Variants in GABRG1 observed in about 807,000 individuals in gnomAD.
GABRG1 encodes the protein gamma-aminobutyric acid receptor subunit gamma-1.
In GABRG1, 49 loss-of-function variants were observed where a neutral mutation model predicts 49.8. That is an observed-to-expected ratio of 0.98 (90% CI 0.78 to 1.25). GABRG1 has a LOEUF of 1.25. Ranked by LOEUF, GABRG1 falls within the 50% of genes most tolerant of loss-of-function variation. The pLI is 0.00. For missense variants in GABRG1, 552 were observed against 552.3 expected (o/e 1.00, Z 0.01); for synonymous variants, 232 against 185.1 (o/e 1.25, Z -2.06).
chr4:46,064,054 C>T (rs1718815223), intron 5 of GABRG1, among the ~76,000 whole-genome samples: 1 of 152,158 alleles, frequency 6.6e-6, no homozygotes, highest in East Asian at 1.9e-4. Context: ...AAACACATTT[C>T]AAAATCTAAT....
At chr4:46,044,057 T>C (rs369315952) in intron 8 of GABRG1, among the ~76,000 whole-genome samples, 154 of 152,208 alleles carry the variant, frequency 1.0e-3, no homozygotes, top group African/African-American at 3.4e-3. Context: ...ATAATATTAA[T>C]TTCCCATTTA....
chr4:46,102,123 G>T (rs1577665281), intron 1 of GABRG1, among the ~76,000 whole-genome samples: 1 of 151,532 alleles, frequency 6.6e-6, no homozygotes, highest in African/African-American at 2.4e-5. Context: ...ATTATAAAAT[G>T]AATAACTAAA....
At chr4:46,088,356 G>T (rs1394016829) in intron 2 of GABRG1, among the ~76,000 whole-genome samples, 2 of 152,012 alleles carry the variant, frequency 1.3e-5, no homozygotes. Context: ...TCTGAACCTA[G>T]AAGATAAGTT....
At chr4:46,084,855 A>G (rs1331264600) in intron 2 of GABRG1, among the ~76,000 whole-genome samples, 4 of 151,644 alleles carry the variant, frequency 2.6e-5, no homozygotes. Context: ...TAGGCTGATG[A>G]CTTCTGAGAT....
At chr4:46,118,092 A>G (rs1309624950) in intron 1 of GABRG1, among the ~76,000 whole-genome samples, 1 of 141,836 alleles carries the variant, frequency 7.1e-6, no homozygotes, top group Non-Finnish European at 1.5e-5. Context: ...ATACATATGT[A>G]TACATATGTG....
At chr4:46,102,709 A>G (rs542722515) in intron 1 of GABRG1, among the ~76,000 whole-genome samples, 11 of 151,748 alleles carry the variant, frequency 7.2e-5, no homozygotes, top group African/African-American at 2.2e-4. Flanking sequence ...AGCTATTTTA[A>G]TGTATCATAC....
rs377218208 is a variant in GABRG1 at position 46,075,702 on chromosome 4, A to C, written c.321+8284T>G. Among the ~76,000 whole-genome samples the C allele has an allele frequency of 2.0e-5, 3 of 152,092 alleles. No individual in the cohort carries two copies. The East Asian group carries it at 5.8e-4, about 29-fold the overall frequency. ...TACAAAAAATTTAAAAAATCAAATA[A>C]AAGAAGAAAGAAAGAAAGGTCCTTG... is the stretch of plus-strand genomic sequence containing the variant. On this transcript the variant is annotated intron_variant, in intron 3 of 8. Transcript: ENST00000295452.
At position 46,084,653 on chromosome 4, in the gene GABRG1, TTTG is replaced by T. The variant is rs572991302; in HGVS notation, c.254-603_254-601del. On this transcript the variant is annotated intron_variant, in intron 2 of 8. Transcript: ENST00000295452. ...AATAAAACACACAACACTTACATAG[TTTG>T]TTTTTCCTCAAGCAAAAATTTTATT... Among the ~76,000 whole-genome samples the T allele has an allele frequency of 3.3e-5, 5 of 151,770 alleles. No individual in the cohort carries two copies. The South Asian group carries it at 1.0e-3, about 31-fold the overall frequency.
chr4:46,116,729 A>C (rs1053619691), intron 1 of GABRG1, among the ~76,000 whole-genome samples: 9 of 150,878 alleles, frequency 6.0e-5, no homozygotes, highest in African/African-American at 1.5e-4. Context: ...TACTCTAGTC[A>C]TGACAATCTG....
chr4:46,061,738 C>A (rs1329870558), intron 5 of GABRG1, among the ~76,000 whole-genome samples: 1 of 149,624 alleles, frequency 6.7e-6, no homozygotes, highest in South Asian at 2.1e-4. Context: ...AGTAAACCAC[C>A]ACTACACAGC....
chr4:46,072,909 C>A (rs567387037), intron 3 of GABRG1, among the ~76,000 whole-genome samples: 1 of 151,960 alleles, frequency 6.6e-6, no homozygotes, highest in South Asian at 2.1e-4. Context: ...TAAAACGGAG[C>A]AGTTCTTAGT....
chr4:46,052,564 T>A (rs1009647787), intron 7 of GABRG1, among the ~76,000 whole-genome samples: 1 of 151,874 alleles, frequency 6.6e-6, no homozygotes, highest in African/African-American at 2.4e-5. Flanking sequence ...CTGTTTCTCA[T>A]CAGTCTTTGT....
intron 3 of GABRG1, among the ~76,000 whole-genome samples, chr4:46,069,182 G>A (rs891751526): frequency 3.3e-5 from 5 of 151,964 alleles, no homozygotes; most frequent in African/African-American, 1.2e-4. Flanking sequence ...AAAAATTCAA[G>A]ACCTGCCAAA....
At chr4:46,095,804 G>A (rs1480253088) in intron 2 of GABRG1, among the ~76,000 whole-genome samples, 5 of 151,786 alleles carry the variant, frequency 3.3e-5, no homozygotes, top group South Asian at 4.1e-4. Flanking sequence ...TACCAATGAT[G>A]AGAATTTTTT....
At chr4:46,042,864 G>A (rs541412782) in intron 8 of GABRG1, among the ~76,000 whole-genome samples, 1 of 152,026 alleles carries the variant, frequency 6.6e-6, no homozygotes, top group South Asian at 2.1e-4. Flanking sequence ...CCAAACACAA[G>A]TAAGTTCATG....
At chr4:46,111,931 G>A (rs530010039) in intron 1 of GABRG1, among the ~76,000 whole-genome samples, 1 of 151,304 alleles carries the variant, frequency 6.6e-6, no homozygotes, top group East Asian at 2.0e-4. Flanking sequence ...GTCAGCTTTA[G>A]GAAAGCAATT....
intron 3 of GABRG1, among the ~76,000 whole-genome samples, chr4:46,078,024 A>G (rs6837791): frequency 0.56 from 85,402 of 151,244 alleles, 24,609 homozygotes; most frequent in African/African-American, 0.63. Flanking sequence ...ATCAAAAGTA[A>G]CTAAATTTTT....
intron 5 of GABRG1, among the ~76,000 whole-genome samples, chr4:46,063,988 T>C (rs1358044593): frequency 6.6e-6 from 1 of 152,136 alleles, no homozygotes; most frequent in Admixed American, 6.6e-5. Context: ...CTTATTAAAG[T>C]AGTCTCAAAT....
intron 7 of GABRG1, among the ~76,000 whole-genome samples, chr4:46,057,004 A>C (rs996009867): frequency 1.2e-4 from 19 of 152,176 alleles, no homozygotes; most frequent in Admixed American, 1.3e-4. Context: ...AAATTCTTTT[A>C]GAAACTTCCA....
Sources: gnomAD v4.1 joint callset for allele counts (sites outside exome capture counted in the v4.1 genomes callset) on GRCh38, gnomAD v4.1.1 for gene constraint, MANE v1.5 for transcripts, NCBI Gene and HGNC (gene_info 2026-07-23, HGNC 2026-07-21) for gene names.